ANG: variants seen among roughly 807,000 people sequenced by gnomAD.
ANG encodes angiogenin.
For synonymous variants in ANG, 74 were observed against 73.8 expected (o/e 1.00, Z -0.02); for missense variants, 178 against 187.4 (o/e 0.95, Z 0.29).
chr14:20,689,153 A>G (rs1474615967), intron 1 of ANG, among the ~76,000 whole-genome samples: 1 of 152,252 alleles, frequency 6.6e-6, no homozygotes, highest in Non-Finnish European at 1.5e-5. Context: ...GCTGAAGGCC[A>G]TCGGGAGTCC....
At chr14:20,685,047 C>T (rs1487151162), upstream of ANG, among the ~76,000 whole-genome samples, 3 of 152,128 alleles carry the variant, frequency 2.0e-5, no homozygotes, top group African/African-American at 7.2e-5. Context: ...CTAAGGGAAG[C>T]CCTAGGAGGC....
At chr14:20,689,230 T>A (rs1391660056) in intron 1 of ANG, among the ~76,000 whole-genome samples, 1 of 152,228 alleles carries the variant, frequency 6.6e-6, no homozygotes, top group Non-Finnish European at 1.5e-5. Flanking sequence ...CAGTATGTTT[T>A]TAGCATTGTT....
intron 1 of ANG, among the ~76,000 whole-genome samples, chr14:20,693,102 C>T (rs1451625763): frequency 6.6e-6 from 1 of 152,316 alleles, no homozygotes; most frequent in South Asian, 2.1e-4. Flanking sequence ...CCGCCTTGGC[C>T]TCCCAAAGTG....
At chr14:20,687,116 A>G (rs1886463071), upstream of ANG, among the ~76,000 whole-genome samples, 1 of 152,244 alleles carries the variant, frequency 6.6e-6, no homozygotes, top group East Asian at 1.9e-4. Flanking sequence ...ATTACTGACA[A>G]AGATGTGATG....
intron 1 of ANG, among the ~76,000 whole-genome samples, chr14:20,689,940 G>A (rs1344499698): frequency 4.7e-5 from 7 of 150,026 alleles, no homozygotes; most frequent in African/African-American, 1.7e-4. Flanking sequence ...AACAGGCCGG[G>A]CGCGGTGGCT....
At chr14:20,686,578 A>G (rs1241737006), upstream of ANG, among the ~76,000 whole-genome samples, 1 of 152,230 alleles carries the variant, frequency 6.6e-6, no homozygotes, top group Non-Finnish European at 1.5e-5. Context: ...GGGAATGGGA[A>G]CAAAGAGTGA....
At chr14:20,690,321 G>T (rs1057220538) in intron 1 of ANG, among the ~76,000 whole-genome samples, 1 of 151,688 alleles carries the variant, frequency 6.6e-6, no homozygotes, top group South Asian at 2.1e-4. Context: ...AGACAGTTAC[G>T]TGTTTGGGTA....
chr14:20,693,469 G>C, intron 1 of ANG, 78 bp from the exon 2 acceptor site: 2 of 1,575,410 alleles, frequency 1.3e-6, no homozygotes, highest in Non-Finnish European at 1.7e-6. Context: ...CCGTGTCAGA[G>C]AGCAAAGCTC....
chr14:20,692,542 T>G (rs575585200), intron 1 of ANG, among the ~76,000 whole-genome samples: 14 of 152,382 alleles, frequency 9.2e-5, no homozygotes, highest in African/African-American at 2.6e-4. Flanking sequence ...TCATAGGAGC[T>G]GGACGCCTAT....
chr14:20,686,991 G>C (rs991969728), upstream of ANG, among the ~76,000 whole-genome samples: 15 of 152,138 alleles, frequency 9.9e-5, no homozygotes, highest in African/African-American at 3.6e-4. Flanking sequence ...TGGCTTGAGG[G>C]AGAGAGAGAA....
chr14:20,688,624 G>A, upstream of ANG: 1 of 856,102 alleles, frequency 1.2e-6, no homozygotes, highest in Non-Finnish European at 1.4e-6. Flanking sequence ...ATCCATTCAG[G>A]TGGGTTAATA....
upstream of ANG, among the ~76,000 whole-genome samples, chr14:20,687,527 C>T (rs1026456277): frequency 6.6e-5 from 10 of 152,250 alleles, no homozygotes; most frequent in Non-Finnish European, 1.0e-4. Context: ...TACCGCTTTT[C>T]GGGACTCAGA....
intron 1 of ANG, among the ~76,000 whole-genome samples, chr14:20,690,398 T>A (rs530603328): frequency 6.6e-6 from 1 of 152,292 alleles, no homozygotes; most frequent in East Asian, 1.9e-4. Flanking sequence ...CTTAGGCAGA[T>A]TCACTTTTAC....
intron 1 of ANG, among the ~76,000 whole-genome samples, chr14:20,689,777 G>A (rs4982326): frequency 0.13 from 19,663 of 151,966 alleles, 1,368 homozygotes; most frequent in African/African-American, 0.18. Context: ...TTAGCCAAGC[G>A]TGGTGGTGGC....
upstream of ANG, among the ~76,000 whole-genome samples, chr14:20,687,886 T>A (rs538220114): frequency 8.5e-5 from 13 of 152,300 alleles, no homozygotes; most frequent in Admixed American, 2.0e-4. Context: ...TGAGGATTTT[T>A]AAAAAGATAA....
In ANG at chr14:20,690,239, A is replaced by AAAG. The variant is rs1366032827; in HGVS notation, c.-19+1367_-19+1368insGAA. On this transcript the variant is annotated intron_variant, in intron 1 of 1. Transcript: ENST00000397990. ...TCCGTCTCAAAAAAAAAAAAAAAAA[A>AAAG]AAAAAAAAAGAAAAGAAAAGAAAAA... is the stretch of plus-strand genomic sequence containing the variant. Among the ~76,000 whole-genome samples the AAAG allele has an allele frequency of 2.9e-3, 436 of 149,822 alleles. 4 individuals carry two copies. Among genetic ancestry groups the AAAG allele is most frequent in the African/African-American group, 0.01 (412 of 40,538 alleles).
chr14:20,689,878 T>G (rs1432191567), intron 1 of ANG, among the ~76,000 whole-genome samples: 1 of 143,004 alleles, frequency 7.0e-6, no homozygotes, highest in Admixed American at 7.2e-5. Flanking sequence ...ATAGCACCAC[T>G]GCGATCTAGC....
chr14:20,687,499 T>C (rs1224808910), upstream of ANG, among the ~76,000 whole-genome samples: 1 of 152,132 alleles, frequency 6.6e-6, no homozygotes, highest in Non-Finnish European at 1.5e-5. Flanking sequence ...CGCATATGGG[T>C]TGTATGCTGT....
upstream of ANG, chr14:20,684,366 G>C (rs1886319369): frequency 6.6e-6 from 1 of 152,244 alleles, no homozygotes; most frequent in Non-Finnish European, 1.5e-5. Context: ...CGCGGCTGCT[G>C]CCCGTTGGGG....
Sources: allele counts gnomAD v4.1 joint callset (sites outside exome capture counted in the v4.1 genomes callset), GRCh38; gene constraint gnomAD v4.1.1; transcripts MANE v1.5; gene names NCBI Gene and HGNC (gene_info 2026-07-23, HGNC 2026-07-21).